The following SNRPN variants were observed in gnomAD, a reference collection of about 807,000 sequenced individuals.
The protein encoded by SNRPN is small nuclear ribonucleoprotein polypeptide N.
SNRPN carries 7 observed loss-of-function variants against 25.2 expected under a neutral mutation model. That is an observed-to-expected ratio of 0.28 (90% CI 0.16 to 0.52). The LOEUF (loss-of-function observed/expected upper bound fraction) is 0.52, where lower values mean the gene tolerates loss of function less well. Among genes scored for constraint, SNRPN ranks in the 20% least tolerant of loss-of-function variants. The pLI, the probability that SNRPN is intolerant of heterozygous loss-of-function variation, is 0.96. For synonymous variants in SNRPN, 124 were observed against 110.6 expected, an observed-to-expected ratio of 1.12 and a Z score of -0.76; for missense variants, 196 against 322.5, an observed-to-expected ratio of 0.61 and a Z score of 3.00.
At chr15:24,833,069 C>T (rs1299796949) in intron 2 of SNRPN, among the ~76,000 whole-genome samples, 1 of 123,906 alleles carries the variant, frequency 8.1e-6, no homozygotes, top group Non-Finnish European at 1.6e-5. Context: ...TGCACCACTG[C>T]ATTCCAGCCT....
chr15:24,914,507 G>C (rs558271769), intron 2 of SNRPN, among the ~76,000 whole-genome samples: 22 of 152,006 alleles, frequency 1.4e-4, no homozygotes, highest in African/African-American at 5.3e-4. Flanking sequence ...AGACCAGTCT[G>C]GGCAACATAG....
At chr15:24,883,875 T>C (rs2056954190) in intron 1 of SNRPN, among the ~76,000 whole-genome samples, 1 of 151,086 alleles carries the variant, frequency 6.6e-6, no homozygotes, top group Non-Finnish European at 1.5e-5. Flanking sequence ...AACCGGGCAT[T>C]TATGCCTGTA....
intron 1 of SNRPN, among the ~76,000 whole-genome samples, chr15:24,884,605 ATAGCT>A (rs112974367): frequency 2.8e-5 from 4 of 142,938 alleles, no homozygotes; most frequent in African/African-American, 1.2e-4. Context: ...TTTGGTGTGG[ATAGCT>A]TTCTTTTGGA....
chr15:24,903,556 C>G (rs938793453), intron 2 of SNRPN, among the ~76,000 whole-genome samples: 1 of 152,166 alleles, frequency 6.6e-6, no homozygotes, highest in African/African-American at 2.4e-5. Flanking sequence ...TTGAATGTTT[C>G]GGCACAGGTT....
chr15:24,973,761 C>CTA (rs141531099), intron 3 of SNRPN, among the ~76,000 whole-genome samples: 16 of 151,652 alleles, frequency 1.1e-4, no homozygotes, highest in Middle Eastern at 6.8e-3. Flanking sequence ...TTATGTGAGT[C>CTA]TATATATATA....
upstream of SNRPN, among the ~76,000 whole-genome samples, chr15:24,951,481 T>A (rs12898534): frequency 0.27 from 41,017 of 151,626 alleles, 6,725 homozygotes; most frequent in South Asian, 0.51. Context: ...TAAAAAAAAA[T>A]GTTTTTGTCC....
intron 1 of SNRPN, among the ~76,000 whole-genome samples, chr15:24,884,145 C>CTA (rs2056982435): frequency 2.3e-5 from 1 of 44,170 alleles, no homozygotes; most frequent in African/African-American, 1.1e-4. Context: ...AACCCTGCCT[C>CTA]TACAAAAAAA....
chr15:24,846,393 C>A (rs1216417799), intron 2 of SNRPN, among the ~76,000 whole-genome samples: 1 of 152,038 alleles, frequency 6.6e-6, no homozygotes, highest in Non-Finnish European at 1.5e-5. Flanking sequence ...TACATTGCTA[C>A]TTGTGAGGGA....
rs765663018 is a variant in SNRPN at position 24,976,398 on chromosome 15, G to C, written c.249G>C (p.Glu83Asp). Residue 83 changes from glutamate to aspartate, a missense_variant, in exon 6 of 10, where the codon GAG becomes GAC. By Grantham distance (45) the Glu-to-Asp change is conservative. Transcript: ENST00000390687. ...RGENLVSMTV[E>D]GPPPKDTGIA... ...AGAACTTGGTATCCATGACTGTGGA[G>C]GGGCCACCCCCCAAAGATGTAAGGA... 1 of 1,610,684 alleles carries C rather than the reference G, an allele frequency of 6.2e-7. No homozygotes were observed. Among genetic ancestry groups the C allele is most frequent in the Non-Finnish European group, 8.5e-7 (1 of 1,178,216 alleles).
chr15:24,903,075 C>T lies in SNRPN; in HGVS notation c.-505+16486C>T, dbSNP rs1030785859. On this transcript the variant is annotated intron_variant, in intron 2 of 11. Transcript: ENST00000400097. ...GAGCACTGATTGTTGTGTTTACAATCCTTTAGGTAGACAGAAAAGTTTTCC... is the reference window on the plus strand; with the variant it reads ...GAGCACTGATTGTTGTGTTTACAATTCTTTAGGTAGACAGAAAAGTTTTCC... Among the ~76,000 whole-genome samples, 14 of 152,294 alleles carry T rather than the reference C, an allele frequency of 9.2e-5. 1 individual carries two copies. The East Asian group carries it at 2.7e-3, about 29-fold the overall frequency.
At chr15:24,954,909 G>A (rs1334091057), upstream of SNRPN, 11 of 1,265,862 alleles carry the variant, frequency 8.7e-6, no homozygotes, top group Admixed American at 2.0e-5. Context: ...GCACGCCTGC[G>A]CGGCCGCAGA....
At chr15:24,918,634 C>A (rs2059750036) in intron 2 of SNRPN, among the ~76,000 whole-genome samples, 1 of 81,580 alleles carries the variant, frequency 1.2e-5, no homozygotes, top group Non-Finnish European at 2.3e-5. Context: ...GTATATATAA[C>A]ATAATATATA....
chr15:24,827,242 C>T (rs1381531648), intron 1 of SNRPN, among the ~76,000 whole-genome samples: 2 of 151,922 alleles, frequency 1.3e-5, no homozygotes, highest in African/African-American at 4.8e-5. Flanking sequence ...CAGCCGGGCG[C>T]GGTGGCTCAC....
chr15:24,908,701 T>G (rs1483700188), intron 2 of SNRPN, among the ~76,000 whole-genome samples: 1 of 152,184 alleles, frequency 6.6e-6, no homozygotes, highest in Non-Finnish European at 1.5e-5. Flanking sequence ...TACAAGTTTT[T>G]TTCTAGTGCT....
intron 3 of SNRPN, among the ~76,000 whole-genome samples, chr15:24,948,993 A>G (rs898388999): frequency 4.7e-5 from 6 of 128,206 alleles, no homozygotes; most frequent in Non-Finnish European, 9.8e-5. Flanking sequence ...CTTTCTGTCT[A>G]TATGGATTTG....
At chr15:24,922,890 CTTTTTTTTTT>C (rs71412618) in intron 3 of SNRPN, among the ~76,000 whole-genome samples, 27 of 68,180 alleles carry the variant, frequency 4.0e-4, no homozygotes, top group East Asian at 1.1e-3. Flanking sequence ...TAGGCAGATC[CTTTTTTTTTT>C]TTTTTTTTTT....
rs990553575 is a variant in SNRPN, at chr15:24,940,673, G to T, written c.-391+20549G>T. Among the ~76,000 whole-genome samples the T allele has an allele frequency of 3.3e-5, 5 of 152,258 alleles. No individual in the cohort carries two copies. In the East Asian group the frequency reaches 9.6e-4, roughly 29 times the overall value. On this transcript the variant is annotated intron_variant, in intron 3 of 11. Coordinates refer to the SNRPN transcript ENST00000400097. ...GGAAGATTGTTAATCATCCTATTCTGACCAGGAGTTCTGACAACTTTGGTG... is the reference window on the plus strand; with the variant it reads ...GGAAGATTGTTAATCATCCTATTCTTACCAGGAGTTCTGACAACTTTGGTG...
chr15:24,851,775 G>A (rs562939097), upstream of SNRPN: 2 of 152,376 alleles, frequency 1.3e-5, no homozygotes, highest in African/African-American at 2.4e-5. Flanking sequence ...GTTCTAGGAA[G>A]AAGGGAGAGT....
chr15:24,841,473 C>T (rs1399621259), intron 2 of SNRPN, among the ~76,000 whole-genome samples: 5 of 152,146 alleles, frequency 3.3e-5, no homozygotes, highest in African/African-American at 1.2e-4. Flanking sequence ...CTCCCAATGT[C>T]ATCCGTTTAA....
Sources: gnomAD v4.1 joint callset for allele counts (sites outside exome capture counted in the v4.1 genomes callset) on GRCh38, gnomAD v4.1.1 for gene constraint, MANE v1.5 for transcripts, NCBI Gene and HGNC (gene_info 2026-07-23, HGNC 2026-07-21) for gene names.